Variants in GSK3B observed in about 807,000 individuals in gnomAD.
The protein encoded by GSK3B is glycogen synthase kinase-3 beta.
GSK3B carries 15 observed loss-of-function variants against 56.4 expected under a neutral mutation model. The observed-to-expected ratio is 0.27, with a 90% CI of 0.18 to 0.41. GSK3B has a LOEUF of 0.41. GSK3B is among the 10% of genes least tolerant of loss of function. The pLI is 1.00. For missense variants in GSK3B, 300 were observed against 513.4 expected (o/e 0.58, Z 4.02); for synonymous variants, 181 against 188.9 (o/e 0.96, Z 0.34).
intron 4 of GSK3B, among the ~76,000 whole-genome samples, chr3:119,922,976 T>C (rs1194409170): frequency 6.6e-6 from 1 of 152,212 alleles, no homozygotes; most frequent in Non-Finnish European, 1.5e-5. Context: ...AAAAAATATA[T>C]AAATGGCATC....
chr3:119,994,356 A>C (rs1338939847), intron 2 of GSK3B, among the ~76,000 whole-genome samples: 1 of 152,206 alleles, frequency 6.6e-6, no homozygotes, highest in African/African-American at 2.4e-5. Context: ...AGAAAAAAAG[A>C]ATTAGAAAAT....
intron 2 of GSK3B, among the ~76,000 whole-genome samples, chr3:119,956,725 G>A (rs1249001029): frequency 6.6e-6 from 1 of 152,158 alleles, no homozygotes; most frequent in East Asian, 1.9e-4. Flanking sequence ...TAGGAAAGGT[G>A]AGCTATTCAA....
rs193163307 is a variant in GSK3B at position 119,978,506 on chromosome 3, C to T, written c.282+23540G>A. Among the ~76,000 whole-genome samples the T allele has an allele frequency of 3.3e-3, 496 of 152,312 alleles. 2 individuals carry two copies. Among genetic ancestry groups the T allele is most frequent in the Non-Finnish European group, 4.8e-3 (328 of 68,030 alleles). ...GTTTCTTTCCTTTCTTTAACTCTTA[C>T]ATTTGGTGCCCAAACCCGGGATGAG... On this transcript the variant is annotated intron_variant, in intron 2 of 10. Transcript: ENST00000264235.
chr3:119,917,142 A>T (rs967412768), intron 4 of GSK3B, among the ~76,000 whole-genome samples: 5 of 149,036 alleles, frequency 3.4e-5, no homozygotes, highest in South Asian at 2.1e-4. Context: ...AAAAACAATT[A>T]AAAAAAAAGA....
In GSK3B at chr3:119,823,275, T is replaced by C. The variant is rs1316968785; in HGVS notation, c.*3513A>G. On this transcript the variant is annotated 3_prime_UTR_variant, in exon 11 of 11. Coordinates refer to ENST00000264235, the MANE Select transcript of GSK3B (RefSeq NM_001146156.2). ...TTAAACTGATTTTTTTTAAAAGAAATTAAAATGATATTTCATTGAGCAAGG... is the reference window on the plus strand; with the variant it reads ...TTAAACTGATTTTTTTTAAAAGAAACTAAAATGATATTTCATTGAGCAAGG... The C allele has an allele frequency of 9.2e-6, 2 of 217,726 alleles. No individual in the cohort carries two copies. The highest frequency in any genetic ancestry group is 1.8e-5 in the Non-Finnish European group (2 of 108,230). 13.5% of individuals were successfully genotyped at this position (217,726 alleles called of 1,614,324 possible). A position where few individuals can be genotyped will look rare whatever the true frequency, so the allele number is the denominator to read the frequency against.
chr3:119,884,687 T>A (rs199715729), intron 7 of GSK3B, among the ~76,000 whole-genome samples: 2 of 151,870 alleles, frequency 1.3e-5, no homozygotes, highest in Admixed American at 1.3e-4. Flanking sequence ...TTTCTTAAAC[T>A]ACAGTGATTA....
chr3:119,860,156 C>T (rs1426807577), intron 9 of GSK3B, among the ~76,000 whole-genome samples: 1 of 152,120 alleles, frequency 6.6e-6, no homozygotes, highest in Non-Finnish European at 1.5e-5. Context: ...TTTAAACATA[C>T]AAAACAATTG....
rs758731746 is a variant in GSK3B, at chr3:120,053,269, G to A, written c.88+40078C>T. Among the ~76,000 whole-genome samples the A allele has an allele frequency of 3.9e-4, 59 of 152,132 alleles. 1 individual carries two copies. The highest frequency in any genetic ancestry group is 6.6e-4 in the Non-Finnish European group (45 of 68,006). On this transcript the variant is annotated intron_variant, in intron 1 of 10. Coordinates refer to ENST00000264235, the MANE Select transcript of GSK3B (RefSeq NM_001146156.2). The stretch of plus-strand genomic sequence containing the variant: ...GAAGAATCACTCAAATCTGGGAGGC[G>A]GAAGTTGTGGTGAGCCCAGATCGCG...
intron 1 of GSK3B, among the ~76,000 whole-genome samples, chr3:120,045,377 A>G (rs1270368686): frequency 6.6e-6 from 1 of 152,100 alleles, no homozygotes; most frequent in Admixed American, 6.5e-5. Context: ...GCTCTAATCA[A>G]TAACTCACAT....
intron 1 of GSK3B, among the ~76,000 whole-genome samples, chr3:120,040,417 A>C (rs773086897): frequency 1.3e-5 from 2 of 152,200 alleles, no homozygotes; most frequent in Admixed American, 1.3e-4. Context: ...AAAAGGGTGC[A>C]AGAAACCTCC....
At chr3:119,876,384 T>TA (rs2056313582) in intron 8 of GSK3B, 29 bp downstream of exon 8, 1 of 1,162,790 alleles carries the variant, frequency 8.6e-7, no homozygotes, top group Non-Finnish European at 1.3e-6. Flanking sequence ...AACTACTGAT[T>TA]AATATACTTA....
chr3:120,042,408 T>A (rs1401399560), intron 1 of GSK3B, among the ~76,000 whole-genome samples: 1 of 152,194 alleles, frequency 6.6e-6, no homozygotes, highest in Non-Finnish European at 1.5e-5. Flanking sequence ...ACTTATACCC[T>A]AGCCAAAACG....
intron 6 of GSK3B, among the ~76,000 whole-genome samples, chr3:119,906,685 G>C (rs2056685962): frequency 6.6e-6 from 1 of 151,952 alleles, no homozygotes; most frequent in African/African-American, 2.4e-5. Context: ...ACAAGAAAAG[G>C]CTGCTTTTTA....
intron 1 of GSK3B, among the ~76,000 whole-genome samples, chr3:120,051,539 G>T (rs1387291590): frequency 6.6e-6 from 1 of 152,150 alleles, no homozygotes; most frequent in Non-Finnish European, 1.5e-5. Context: ...GGCTGAGGCG[G>T]GTGTATCACC....
intron 1 of GSK3B, among the ~76,000 whole-genome samples, chr3:120,044,478 G>C (rs1432487512): frequency 2.0e-5 from 3 of 150,382 alleles, no homozygotes; most frequent in Admixed American, 6.6e-5. Flanking sequence ...ATTTCATCAA[G>C]CAGAGAAAAA....
Position 119,863,471 on chromosome 3 carries a change from G to C in GSK3B, c.1044C>G (p.Val348=). The C allele has an allele frequency of 6.2e-7, 1 of 1,614,004 alleles. No individual in the cohort carries two copies. The highest frequency in any genetic ancestry group is 8.5e-7 in the Non-Finnish European group (1 of 1,179,908). The part of the protein sequence containing the change: ...SFFDELRDPN[V]KLPNGRDTPA... ...GTGTGTCTCGCCCATTTGGTAGTTTGACATTTGGGTCCCGTAATTCATCAA... is the reference window on the plus strand; with the variant it reads ...GTGTGTCTCGCCCATTTGGTAGTTTCACATTTGGGTCCCGTAATTCATCAA... The change falls in exon 9 of 11, where the codon GTC becomes GTG. Residue 348 remains valine, a synonymous_variant. Transcript: ENST00000264235.
intron 1 of GSK3B, among the ~76,000 whole-genome samples, chr3:120,007,518 A>G (rs2057739957): frequency 6.6e-6 from 1 of 152,232 alleles, no homozygotes; most frequent in East Asian, 1.9e-4. Context: ...AAAATCCTCA[A>G]TGAAATACTG....
At chr3:119,993,477 C>G (rs1408633936) in intron 2 of GSK3B, among the ~76,000 whole-genome samples, 1 of 151,914 alleles carries the variant, frequency 6.6e-6, no homozygotes, top group Non-Finnish European at 1.5e-5. Context: ...AACCCAAATA[C>G]TTTTTGAATA....
chr3:119,855,574 C>A (rs1414592813), intron 9 of GSK3B, among the ~76,000 whole-genome samples: 1 of 152,156 alleles, frequency 6.6e-6, no homozygotes, highest in African/African-American at 2.4e-5. Context: ...GACTTGGAAC[C>A]AACCCAAATG....
Sources: allele counts gnomAD v4.1 joint callset (sites outside exome capture counted in the v4.1 genomes callset), GRCh38; gene constraint gnomAD v4.1.1; transcripts MANE v1.5; gene names NCBI Gene and HGNC (gene_info 2026-07-23, HGNC 2026-07-21).